FBN2: variants seen among roughly 807,000 people sequenced by gnomAD.
The protein encoded by FBN2 is fibrillin 2.
FBN2 carries 105 observed loss-of-function variants against 355.6 expected under a neutral mutation model. The observed-to-expected ratio is 0.30, with a 90% confidence interval of 0.25 to 0.35. FBN2 has a LOEUF of 0.35. FBN2 is among the 10% of genes least tolerant of loss of function. FBN2 has a pLI of 1.00. For synonymous variants in FBN2, 1,350 were observed against 1,301.2 expected (o/e 1.04, Z -0.81); for missense variants, 3,280 against 3,758.7 (o/e 0.87, Z 3.33).
chr5:128,404,457 T>C (rs553620777), intron 8 of FBN2, among the ~76,000 whole-genome samples: 1 of 152,362 alleles, frequency 6.6e-6, no homozygotes, highest in African/African-American at 2.4e-5. Context: ...AGGACTTAGC[T>C]TTCCGAACCT....
chr5:128,380,474 G>C (rs986240122), intron 11 of FBN2, among the ~76,000 whole-genome samples: 12 of 152,000 alleles, frequency 7.9e-5, no homozygotes, highest in Non-Finnish European at 1.6e-4. Context: ...TTCTCCCCTG[G>C]AGAGTCTGCT....
intron 5 of FBN2, among the ~76,000 whole-genome samples, chr5:128,468,640 A>G (rs1227167224): frequency 6.6e-6 from 1 of 152,150 alleles, no homozygotes; most frequent in Non-Finnish European, 1.5e-5. Flanking sequence ...GTTTTCTACA[A>G]TTTTTATTAT....
At chr5:128,268,059 T>A (rs1020896601) in intron 62 of FBN2, among the ~76,000 whole-genome samples, 3 of 151,810 alleles carry the variant, frequency 2.0e-5, no homozygotes, top group Admixed American at 6.6e-5. Flanking sequence ...GATAGAGACA[T>A]GAAAAACCCT....
chr5:128,338,049 C>A lies in FBN2; in HGVS notation c.3546G>T (p.Gln1182His), dbSNP rs778088321. 6.2e-7 allele frequency: 1 copy of A among 1,614,070 alleles called. No individual in the cohort carries two copies. The highest frequency in any genetic ancestry group is 8.5e-7 in the Non-Finnish European group (1 of 1,179,918). Residue 1182 changes from glutamine (Q) to histidine (H), a missense_variant, in exon 27 of 65, where the codon CAG (glutamine) becomes CAT (histidine). Gln to His is a conservative substitution (Grantham distance 24). This residue lies in a region of FBN2 where 2,284 missense variants were observed against 2,749.5 expected (regional missense o/e 0.83). Transcript: ENST00000262464. ...GTCVNTEGSFQCDCPLGHELS... is the reference protein window; with the variant it reads ...GTCVNTEGSFHCDCPLGHELS... ...GCTCGTGTCCCAGTGGGCAGTCACACTGAAAGCTGCCCTCAGTGTTCACAC... is the reference window on the plus strand; with the variant it reads ...GCTCGTGTCCCAGTGGGCAGTCACAATGAAAGCTGCCCTCAGTGTTCACAC...
intron 11 of FBN2, among the ~76,000 whole-genome samples, chr5:128,385,392 C>A (rs1364372035): frequency 6.6e-6 from 1 of 152,116 alleles, no homozygotes; most frequent in East Asian, 1.9e-4. Context: ...TGGTCTCATT[C>A]TTTTTCTTAT....
At chr5:128,362,057 C>T (rs976048952) in intron 18 of FBN2, among the ~76,000 whole-genome samples, 5 of 152,150 alleles carry the variant, frequency 3.3e-5, no homozygotes, top group Non-Finnish European at 7.4e-5. Context: ...TTTTAAGATG[C>T]TTTTAAATCC....
chr5:128,479,930 GTCTCTCTCTCTC>G lies in FBN2; in HGVS notation c.629-15021_629-15010del, dbSNP rs1180726296. Reference sequence around the variant, plus strand: ...CAACAGAACAAGACCTTGTCTCCTTGTCTCTCTCTCTCTCTCTCTCTCTCTCTCTCTCTCTCT... The same window carrying G: ...CAACAGAACAAGACCTTGTCTCCTTGTCTCTCTCTCTCTCTCTCTCTCTCT... On this transcript the variant is annotated intron_variant, in intron 5 of 64. Transcript: ENST00000262464. Among the ~76,000 whole-genome samples, 73 of 58,128 alleles carry G rather than the reference GTCTCTCTCTCTC, an allele frequency of 1.3e-3. 1 individual carries two copies. The highest frequency in any genetic ancestry group is 2.6e-3 in the East Asian group (3 of 1,144). The allele number at this position is 58,128 out of a possible 152,430, so 38.1% of individuals were successfully genotyped here.
intron 7 of FBN2, among the ~76,000 whole-genome samples, chr5:128,429,991 A>C (rs1753577845): frequency 6.6e-6 from 1 of 152,164 alleles, no homozygotes. Context: ...CAAAACAAGA[A>C]AGCAACCTCT....
Position 128,344,462 on chromosome 5 carries a change from C to T in FBN2, c.3266G>A (p.Cys1089Tyr). ...AFPGMCTYGK[C>Y]RNTIGSFKCR... is the part of the protein sequence containing the mutation. ...TTTGAAGCTTCCGATTGTATTTCTGCACTTCCCATAAGTGCACATCCCAGG... is the reference window on the plus strand; with the variant it reads ...TTTGAAGCTTCCGATTGTATTTCTGTACTTCCCATAAGTGCACATCCCAGG... Residue 1089 changes from cysteine (C) to tyrosine (Y), a missense_variant, in exon 25 of 65, where the codon TGC becomes TAC. Transcript: ENST00000262464. 6.2e-7 allele frequency: 1 copy of T among 1,613,350 alleles called. No homozygotes were observed. The highest frequency in any genetic ancestry group is 8.5e-7 in the Non-Finnish European group (1 of 1,179,314).
At chr5:128,449,665 C>T (rs1008818204) in intron 6 of FBN2, among the ~76,000 whole-genome samples, 3 of 150,976 alleles carry the variant, frequency 2.0e-5, no homozygotes, top group African/African-American at 7.3e-5. Flanking sequence ...GTGAGACAGA[C>T]ACGAGATAGT....
intron 59 of FBN2, among the ~76,000 whole-genome samples, chr5:128,275,169 T>C (rs1039819650): frequency 6.6e-6 from 1 of 152,194 alleles, no homozygotes; most frequent in Non-Finnish European, 1.5e-5. Flanking sequence ...CCTGTAATTC[T>C]AGTCACAAAT....
rs32209 is a variant in FBN2 at position 128,286,799 on chromosome 5, T to C, written c.6931A>G (p.Met2311Val). 0.075 allele frequency: 121,122 copies of C among 1,613,694 alleles called. 12,708 individuals are homozygous for C. Among genetic ancestry groups the C allele is most frequent in the East Asian group, 0.6 (26,993 of 44,848 alleles). The change falls in exon 55 of 65, where the codon ATG becomes GTG. Residue 2311 changes from methionine to valine, a missense_variant. Met to Val is a conservative substitution (Grantham distance 21, BLOSUM62 1). This residue lies in a region of FBN2 where 2,284 missense variants were observed against 2,749.5 expected (regional missense o/e 0.83). Transcript: ENST00000262464. ...GLHDCESRGM[M>V]CKNLIGTFMC... ...AAGGTGCCGATTAGATTCTTACACA[T>C]CATGCCCCTAGATTCACAGTCGTGT...
chr5:128,474,518 G>T (rs1469811591), intron 5 of FBN2, among the ~76,000 whole-genome samples: 1 of 152,138 alleles, frequency 6.6e-6, no homozygotes, highest in African/African-American at 2.4e-5. Flanking sequence ...TGCTTGAACA[G>T]ATCTAATGCA....
Position 128,530,711 on chromosome 5 carries a change from G to A in FBN2, c.338-18C>T, listed in dbSNP as rs768817422. ...ACAAATCGCTGTAGAAAGCACAATA[G>A]GAAAATGAATGAATAACTATATAAT... On this transcript the variant is annotated intron_variant, in intron 2 of 64. Coordinates refer to ENST00000262464, the MANE Select transcript of FBN2 (RefSeq NM_001999.4). The A allele has an allele frequency of 8.1e-6, 12 of 1,484,026 alleles. No individual in the cohort carries two copies. The highest frequency in any genetic ancestry group is 6.7e-5 in the Admixed American group (4 of 59,686). 91.9% of individuals were successfully genotyped at this position (1,484,026 alleles called of 1,614,324 possible). A position where few individuals can be genotyped will look rare whatever the true frequency, so the allele number is the denominator to read the frequency against.
At chr5:128,411,431 G>A (rs1435714940) in intron 7 of FBN2, among the ~76,000 whole-genome samples, 2 of 152,206 alleles carry the variant, frequency 1.3e-5, no homozygotes, top group Non-Finnish European at 2.9e-5. Flanking sequence ...AGTGGGATGG[G>A]GAGGTGGAAA....
At chr5:128,296,008 C>G (rs1183443492) in intron 48 of FBN2, among the ~76,000 whole-genome samples, 1 of 151,730 alleles carries the variant, frequency 6.6e-6, no homozygotes, top group African/African-American at 2.4e-5. Flanking sequence ...TGAGATACGT[C>G]CCATCAATAC....
Position 128,311,405 on chromosome 5 carries a change from A to G in FBN2, c.4969T>C (p.Leu1657=). ...TTTCCACCCTGGCAGAGACCTGGTA[A>G]CTCCTGGCATTCGTCAATGTCTACA... ...ILEDIDECQE[L]PGLCQGGNCI... The change falls in exon 39 of 65, where the codon TTA becomes CTA. Residue 1657 remains leucine (L), a synonymous_variant. Coordinates refer to ENST00000262464, the MANE Select transcript of FBN2 (RefSeq NM_001999.4). 6.2e-7 allele frequency: 1 copy of G among 1,614,094 alleles called. No homozygotes were observed. Among genetic ancestry groups the G allele is most frequent in the Non-Finnish European group, 8.5e-7 (1 of 1,179,996 alleles).
At chr5:128,338,415 A>G (rs147958694) in intron 26 of FBN2, among the ~76,000 whole-genome samples, 1 of 152,290 alleles carries the variant, frequency 6.6e-6, no homozygotes, top group East Asian at 1.9e-4. Context: ...CTCATGATAT[A>G]TTGTTGTCAG....
chr5:128,390,112 C>T (rs541533604), intron 11 of FBN2, among the ~76,000 whole-genome samples: 1 of 152,238 alleles, frequency 6.6e-6, no homozygotes, highest in East Asian at 1.9e-4. Context: ...TCCTGATGGT[C>T]TCTTCTTTCA....
Sources: allele counts gnomAD v4.1 joint callset (sites outside exome capture counted in the v4.1 genomes callset), GRCh38; gene constraint gnomAD v4.1.1; regional missense constraint gnomAD v4.1.1; transcripts MANE v1.5; gene names NCBI Gene and HGNC (gene_info 2026-07-23, HGNC 2026-07-21).